MS4A6A: variants seen among roughly 807,000 people sequenced by gnomAD.
MS4A6A encodes membrane spanning 4-domains A6A.
MS4A6A carries 19 observed loss-of-function variants against 20.6 expected under a neutral mutation model. That is an observed-to-expected ratio of 0.92 (90% CI 0.64 to 1.36). The LOEUF is 1.36. MS4A6A is among the 40% of genes most tolerant of loss of function. The pLI, the probability that MS4A6A is intolerant of heterozygous loss-of-function variation, is 0.00. For synonymous variants in MS4A6A, 108 were observed against 105.0 expected (o/e 1.03, Z -0.17); for missense variants, 272 against 261.1 (o/e 1.04, Z -0.29).
chr11:60,183,045 C>A lies in MS4A6A; in HGVS notation c.-82G>T. ...AGGTTTTAACTCTGGTTTCTCAGTCCCATCAACGGTTTCTACTTACCTTCA... is the reference window on the plus strand; with the variant it reads ...AGGTTTTAACTCTGGTTTCTCAGTCACATCAACGGTTTCTACTTACCTTCA... On this transcript the variant is annotated 5_prime_UTR_variant, in exon 1 of 6. An upstream open reading frame in the 5' UTR gains an earlier in-frame stop. Coordinates refer to ENST00000528851, the MANE Select transcript of MS4A6A (RefSeq NM_022349.4). 6.9e-7 allele frequency: 1 copy of A among 1,453,550 alleles called. No individual in the cohort carries two copies. Among genetic ancestry groups the A allele is most frequent in the Non-Finnish European group, 9.0e-7 (1 of 1,110,612 alleles). 90.0% of individuals were successfully genotyped at this position (1,453,550 alleles called of 1,614,324 possible). A position where few individuals can be genotyped will look rare whatever the true frequency, so the allele number is the denominator to read the frequency against.
intron 2 of MS4A6A, chr11:60,180,268 CT>C: frequency 2.6e-6 from 1 of 388,382 alleles, no homozygotes; most frequent in African/African-American, 2.1e-5. Context: ...CTGAGATTTA[CT>C]TTCCCAGCTC....
intron 2 of MS4A6A, 91 bp downstream of exon 2, chr11:60,181,490 C>T (rs1735497135): frequency 1.3e-6 from 2 of 1,532,856 alleles, no homozygotes; most frequent in Admixed American, 1.9e-5. Flanking sequence ...TTAGGGTCTC[C>T]ACACTCACGA....
intron 5 of MS4A6A, among the ~76,000 whole-genome samples, chr11:60,174,065 C>A (rs1856715663): frequency 6.6e-6 from 1 of 152,216 alleles, no homozygotes; most frequent in South Asian, 2.1e-4. Context: ...TACCAAATTT[C>A]TCTGAAATTT....
chr11:60,178,564 C>A (rs144701910), intron 3 of MS4A6A, among the ~76,000 whole-genome samples: 1,836 of 150,468 alleles, frequency 0.012, 33 homozygotes, highest in African/African-American at 0.042. Flanking sequence ...CAAAAAAAGA[C>A]CTTAAAAGCC....
At position 60,172,919 on chromosome 11, in the gene MS4A6A, T is replaced by G; in HGVS notation, c.*82A>C. On this transcript the variant is annotated 3_prime_UTR_variant, in exon 6 of 6. Coordinates refer to ENST00000528851, the MANE Select transcript of MS4A6A (RefSeq NM_022349.4). ...CAATGCAAATGCCCTCCCATGTGTA[T>G]CTCATGACTGACTGATTGTTCCTTC... The G allele has an allele frequency of 6.3e-7, 1 of 1,595,154 alleles. No individual in the cohort carries two copies. Among genetic ancestry groups the G allele is most frequent in the Non-Finnish European group, 8.6e-7 (1 of 1,167,300 alleles).
chr11:60,173,904 C>T (rs1346939716), intron 5 of MS4A6A, among the ~76,000 whole-genome samples: 1 of 152,150 alleles, frequency 6.6e-6, no homozygotes, highest in African/African-American at 2.4e-5. Context: ...ATAATTTGAT[C>T]ACATGAAACT....
Position 60,173,048 on chromosome 11 carries a change from C to T in MS4A6A, c.631G>A (p.Ala211Thr). Reference sequence around the variant, plus strand: ...CTCACCCCAGGGAAGTCAGAGTAAGCCTGTTTCCACCGCAGCACAGCAGTG... The same window carrying T: ...CTCACCCCAGGGAAGTCAGAGTAAGTCTGTTTCCACCGCAGCACAGCAGTG... ...VLTAVLRWKQ[A>T]YSDFPGVSVL... Residue 211 changes from alanine to threonine, a missense_variant, in exon 6 of 6, where the codon GCT (alanine) becomes ACT (threonine). Transcript: ENST00000528851. The T allele has an allele frequency of 1.2e-6, 2 of 1,614,108 alleles. No homozygotes were observed. Among genetic ancestry groups the T allele is most frequent in the Non-Finnish European group, 1.7e-6 (2 of 1,179,980 alleles).
intron 3 of MS4A6A, chr11:60,178,895 C>A (rs572197688): frequency 2.4e-6 from 1 of 413,518 alleles, no homozygotes; most frequent in Admixed American, 3.0e-5. Flanking sequence ...TCTCAGCCAG[C>A]GCTACCCAAA....
Position 60,175,481 on chromosome 11 carries a change from G to T in MS4A6A, c.470C>A (p.Pro157Gln). ...LQCELDKNNI[P>Q]TRSYVSYFYH... Reference sequence around the variant, plus strand: ...AAAGTAAGAAACATAACTTCTTGTTGGTATATTATTTTTGTCCAACTCACA... The same window carrying T: ...AAAGTAAGAAACATAACTTCTTGTTTGTATATTATTTTTGTCCAACTCACA... The change falls in exon 5 of 6, where the codon CCA becomes CAA. Residue 157 changes from proline (P) to glutamine (Q), a missense_variant. Transcript: ENST00000528851. 1 of 1,614,086 alleles carries T rather than the reference G, an allele frequency of 6.2e-7. No individual in the cohort carries two copies. Among genetic ancestry groups the T allele is most frequent in the Non-Finnish European group, 8.5e-7 (1 of 1,179,968 alleles).
At chr11:60,175,278 A>G (rs1057427690) in intron 5 of MS4A6A, 124 bp downstream of exon 5, 3 of 704,998 alleles carry the variant, frequency 4.3e-6, no homozygotes, top group Non-Finnish European at 7.0e-6. Flanking sequence ...ATTTACATAA[A>G]CCTGGCTTTC....
chr11:60,175,655 G>A (rs1856801227), intron 4 of MS4A6A, 44 bp from the exon 5 acceptor site: 2 of 1,584,228 alleles, frequency 1.3e-6, no homozygotes, highest in Admixed American at 1.7e-5. Flanking sequence ...AATGACTCAT[G>A]AATCTGTTAT....
At position 60,183,005 on chromosome 11, in the gene MS4A6A, T is replaced by C; in HGVS notation, c.-42A>G. The C allele has an allele frequency of 2.8e-6, 4 of 1,409,898 alleles. No individual in the cohort carries two copies. In the South Asian group the frequency reaches 4.9e-5, roughly 17 times the overall value. The allele number at this position is 1,409,898 out of a possible 1,614,324, so 87.3% of individuals were successfully genotyped here. A position where few individuals can be genotyped will look rare whatever the true frequency, so the allele number is the denominator to read the frequency against. ...GTGCCCGTTGGTTCCAGCTGAGTCCTCAGAAGCTCCAAAGAGGTTTTAACT... is the reference window on the plus strand; with the variant it reads ...GTGCCCGTTGGTTCCAGCTGAGTCCCCAGAAGCTCCAAAGAGGTTTTAACT... On this transcript the variant is annotated 5_prime_UTR_variant, in exon 1 of 6. Transcript: ENST00000528851.
chr11:60,183,252 T>G, upstream of MS4A6A: 8 of 1,415,724 alleles, frequency 5.7e-6, no homozygotes, highest in Non-Finnish European at 7.7e-6. Context: ...TCATGGAGCC[T>G]TATGTGTGAA....
At chr11:60,180,178 G>A (rs1362901184) in intron 2 of MS4A6A, 2 of 585,650 alleles carry the variant, frequency 3.4e-6, no homozygotes, top group Admixed American at 6.3e-5. Flanking sequence ...GTGTCTGGCA[G>A]GTGCTCAGGA....
At chr11:60,173,373 A>G (rs1377608851) in intron 5 of MS4A6A, among the ~76,000 whole-genome samples, 1 of 152,158 alleles carries the variant, frequency 6.6e-6, no homozygotes, top group South Asian at 2.1e-4. Flanking sequence ...TACTTCATAC[A>G]CTTATTTCTT....
At chr11:60,184,317 C>G (rs144369245), upstream of MS4A6A, 4 of 152,274 alleles carry the variant, frequency 2.6e-5, no homozygotes, top group Non-Finnish European at 5.9e-5. Context: ...CAACCTTGCT[C>G]ACCCAAGCTC....
At chr11:60,179,441 G>A (rs1256234189) in intron 3 of MS4A6A, 4 of 525,200 alleles carry the variant, frequency 7.6e-6, no homozygotes, top group African/African-American at 5.8e-5. Flanking sequence ...GCATGGGGGG[G>A]ATAACAGTGT....
intron 4 of MS4A6A, among the ~76,000 whole-genome samples, chr11:60,176,700 C>T (rs1279297038): frequency 6.6e-6 from 1 of 152,126 alleles, no homozygotes; most frequent in Non-Finnish European, 1.5e-5. Flanking sequence ...CTCCTAGTAG[C>T]CAGTAGTATT....
At chr11:60,181,319 T>G (rs1346704181) in intron 2 of MS4A6A, 18 of 502,296 alleles carry the variant, frequency 3.6e-5, no homozygotes, top group Non-Finnish European at 6.4e-5. Context: ...AAAGAAAATA[T>G]AGAAAAGCAC....
Sources: gnomAD v4.1 joint callset for allele counts (sites outside exome capture counted in the v4.1 genomes callset) on GRCh38, gnomAD v4.1.1 for gene constraint, MANE v1.5 for transcripts, NCBI Gene and HGNC (gene_info 2026-07-23, HGNC 2026-07-21) for gene names.